TYW1B: variants seen among roughly 807,000 people sequenced by gnomAD.
The protein encoded by TYW1B is tRNA-yW synthesizing protein 1 homolog B.
In TYW1B, 73 loss-of-function variants were observed where a neutral mutation model predicts 86.9. That is an observed-to-expected ratio of 0.84 (90% confidence interval 0.70 to 1.02). TYW1B has a LOEUF of 1.02. Ranked by LOEUF, TYW1B falls within the 50% of genes least tolerant of loss-of-function variation. The pLI is 0.00. For missense variants in TYW1B, 637 were observed against 827.4 expected (o/e 0.77, Z 2.82); for synonymous variants, 248 against 292.8 (o/e 0.85, Z 1.56).
At chr7:72,636,483 G>A (rs1190540254) in intron 11 of TYW1B, among the ~76,000 whole-genome samples, 2 of 152,158 alleles carry the variant, frequency 1.3e-5, no homozygotes, top group East Asian at 1.9e-4. Flanking sequence ...TGGAAGTGGT[G>A]ACAAATATAG....
intron 10 of TYW1B, among the ~76,000 whole-genome samples, chr7:72,705,386 C>T (rs1173989492): frequency 1.3e-5 from 2 of 152,116 alleles, no homozygotes; most frequent in Non-Finnish European, 2.9e-5. Flanking sequence ...AATAAAGTTC[C>T]TACATAGTTT....
intron 11 of TYW1B, among the ~76,000 whole-genome samples, chr7:72,662,820 T>C (rs1813366401): frequency 1.3e-5 from 2 of 152,192 alleles, no homozygotes; most frequent in Non-Finnish European, 2.9e-5. Flanking sequence ...ATCTTCACAC[T>C]GCCATAAATC....
intron 10 of TYW1B, among the ~76,000 whole-genome samples, chr7:72,706,544 T>G (rs1814620771): frequency 6.6e-6 from 1 of 152,056 alleles, no homozygotes; most frequent in Non-Finnish European, 1.5e-5. Flanking sequence ...TTACTCAAAG[T>G]GATATGCTTT....
intron 6 of TYW1B, among the ~76,000 whole-genome samples, chr7:72,789,535 T>G (rs1203934237): frequency 1.3e-5 from 2 of 152,192 alleles, no homozygotes; most frequent in Non-Finnish European, 2.9e-5. Context: ...TGACATGTAT[T>G]AGGAAGTAAG....
In TYW1B at chr7:72,815,500, A is replaced by C; in HGVS notation, c.136-19T>G. On this transcript the variant is annotated intron_variant, in intron 2 of 13. Transcript: ENST00000620995. ...CAAATCCCTAATAGGACAAAAAAAA[A>C]CTTCAAATAAAGTCTTCAATGAGCC... 1 of 1,596,570 alleles carries C rather than the reference A, an allele frequency of 6.3e-7. No homozygotes were observed. The highest frequency in any genetic ancestry group is 8.5e-7 in the Non-Finnish European group (1 of 1,174,848).
chr7:72,810,090 T>C (rs4717688), intron 4 of TYW1B, among the ~76,000 whole-genome samples: 117,647 of 150,342 alleles, frequency 0.78, 46,176 homozygotes, highest in Non-Finnish European at 0.8. Context: ...CTAGCCTGGC[T>C]GGCATGGTGA....
chr7:72,666,905 G>A (rs868960094), intron 11 of TYW1B, among the ~76,000 whole-genome samples: 4 of 151,462 alleles, frequency 2.6e-5, no homozygotes, highest in Non-Finnish European at 4.4e-5. Context: ...GGTGGCAGGC[G>A]CCTGTAGTCC....
chr7:72,721,166 G>A (rs1424979263), intron 9 of TYW1B, among the ~76,000 whole-genome samples: 14 of 152,018 alleles, frequency 9.2e-5, no homozygotes, highest in Non-Finnish European at 1.9e-4. Context: ...CATTTGGGTT[G>A]GCCAAGTCTT....
At chr7:72,805,499 C>T (rs1161415837) in intron 5 of TYW1B, among the ~76,000 whole-genome samples, 1 of 151,608 alleles carries the variant, frequency 6.6e-6, no homozygotes, top group East Asian at 2.0e-4. Flanking sequence ...ATAATCCCAG[C>T]TACTTGGGAG....
chr7:72,802,650 T>C, intron 5 of TYW1B, 128 bp from the exon 6 acceptor site: 1 of 1,408,574 alleles, frequency 7.1e-7, no homozygotes, highest in South Asian at 1.5e-5. Flanking sequence ...AGACAGGGTC[T>C]CGCTCTGTCG....
chr7:72,758,270 GA>G (rs1787627030), intron 7 of TYW1B, among the ~76,000 whole-genome samples: 1 of 152,046 alleles, frequency 6.6e-6, no homozygotes, highest in South Asian at 2.1e-4. Context: ...CCAGCTATTT[GA>G]GGGGACAAGG....
At chr7:72,720,720 T>C (rs553101757) in intron 9 of TYW1B, among the ~76,000 whole-genome samples, 14 of 152,168 alleles carry the variant, frequency 9.2e-5, no homozygotes, top group Non-Finnish European at 1.5e-4. Context: ...CAAGGAAATA[T>C]GACAGAAATT....
intron 2 of TYW1B, among the ~76,000 whole-genome samples, chr7:72,824,105 TAAC>T (rs1166735770): frequency 6.6e-6 from 1 of 151,998 alleles, no homozygotes; most frequent in Non-Finnish European, 1.5e-5. Flanking sequence ...AGGTTTAACT[TAAC>T]AACTGACCTT....
At chr7:72,575,766 A>G (rs1480665201) in intron 13 of TYW1B, 47 bp from the exon 14 acceptor site, 9 of 1,499,664 alleles carry the variant, frequency 6.0e-6, no homozygotes, top group East Asian at 2.3e-5. Context: ...ACATCCCTAG[A>G]AAAAAAAAAT....
At chr7:72,700,943 A>C (rs1448791762) in intron 10 of TYW1B, among the ~76,000 whole-genome samples, 1 of 152,044 alleles carries the variant, frequency 6.6e-6, no homozygotes, top group Non-Finnish European at 1.5e-5. Context: ...ACATGCCTCT[A>C]ATCCCAGCTG....
intron 12 of TYW1B, among the ~76,000 whole-genome samples, chr7:72,618,579 G>A (rs1223305783): frequency 6.6e-6 from 1 of 152,102 alleles, no homozygotes; most frequent in Non-Finnish European, 1.5e-5. Context: ...ACAGAGCTGG[G>A]ACTTGGACGA....
intron 13 of TYW1B, among the ~76,000 whole-genome samples, chr7:72,611,831 T>C (rs1454095917): frequency 2.0e-5 from 3 of 152,186 alleles, no homozygotes; most frequent in African/African-American, 2.4e-5. Flanking sequence ...CTTGGTGCCA[T>C]GTCTGCTTTT....
chr7:72,806,903 T>C (rs1190527278), intron 5 of TYW1B, among the ~76,000 whole-genome samples, 163 bp downstream of exon 5: 5 of 152,164 alleles, frequency 3.3e-5, no homozygotes, highest in African/African-American at 9.7e-5. Context: ...TACCCCCACC[T>C]TGGCCTCCCA....
rs183380539 is a variant in TYW1B at position 72,615,420 on chromosome 7, C to T, written c.1785+1252G>A. 2.6e-3 allele frequency among the ~76,000 whole-genome samples: 391 copies of T among 152,266 alleles called. 1 individual carries two copies. The highest frequency in any genetic ancestry group is 4.0e-3 in the Non-Finnish European group (271 of 68,020). Reference sequence around the variant, plus strand: ...TCTTCACCGTTCAGACCTCAGATTCCATACGGAAAAAGTGAGAGGGTTAAA... The same window carrying T: ...TCTTCACCGTTCAGACCTCAGATTCTATACGGAAAAAGTGAGAGGGTTAAA... On this transcript the variant is annotated intron_variant, in intron 13 of 13. Transcript: ENST00000620995.
Sources: allele counts gnomAD v4.1 joint callset (sites outside exome capture counted in the v4.1 genomes callset), GRCh38; gene constraint gnomAD v4.1.1; transcripts MANE v1.5; gene names NCBI Gene and HGNC (gene_info 2026-07-23, HGNC 2026-07-21).